STAT3: variants seen among roughly 807,000 people sequenced by gnomAD.
STAT3 encodes the protein signal transducer and activator of transcription 3, also known as DNA-binding protein APRF.
STAT3 carries 7 observed loss-of-function variants against 114.3 expected under a neutral mutation model. The ratio of observed to expected loss-of-function variants is 0.06; its 90% CI spans 0.03 to 0.11. STAT3 has a LOEUF of 0.11. Among genes scored for constraint, STAT3 ranks in the 10% least tolerant of loss-of-function variants. STAT3 has a pLI of 1.00. For synonymous variants in STAT3, 331 were observed against 354.5 expected (o/e 0.93, Z 0.74); for missense variants, 364 against 960.9 (o/e 0.38, Z 8.21).
chr17:42,382,321 A>G (rs1462982701), intron 1 of STAT3, among the ~76,000 whole-genome samples: 1 of 152,218 alleles, frequency 6.6e-6, no homozygotes, highest in Non-Finnish European at 1.5e-5. Flanking sequence ...ATCTTATTGA[A>G]TCGTCAACAG....
At chr17:42,382,823 T>C (rs895507005) in intron 1 of STAT3, among the ~76,000 whole-genome samples, 2 of 151,726 alleles carry the variant, frequency 1.3e-5, no homozygotes, top group African/African-American at 2.4e-5. Flanking sequence ...ATTTTTTGTA[T>C]TTTTAGTAGA....
chr17:42,348,171 C>A (rs189329445), intron 2 of STAT3, among the ~76,000 whole-genome samples: 42 of 152,260 alleles, frequency 2.8e-4, no homozygotes, highest in Non-Finnish European at 4.6e-4. Context: ...ACCATACAGG[C>A]GGTTTCAATG....
intron 1 of STAT3, among the ~76,000 whole-genome samples, chr17:42,360,188 G>A (rs1598475452): frequency 6.6e-6 from 1 of 151,738 alleles, no homozygotes; most frequent in Non-Finnish European, 1.5e-5. Context: ...ACCACTATAG[G>A]AGTCTTGTTT....
chr17:42,374,957 A>C (rs541831038), intron 1 of STAT3, among the ~76,000 whole-genome samples: 3 of 152,264 alleles, frequency 2.0e-5, no homozygotes, highest in Admixed American at 1.3e-4. Context: ...AATAACTGGA[A>C]GTTAACTTTA....
chr17:42,386,285 A>G (rs2085101259), intron 1 of STAT3, among the ~76,000 whole-genome samples: 1 of 151,708 alleles, frequency 6.6e-6, no homozygotes, highest in South Asian at 2.1e-4. Flanking sequence ...TGACTCAAAA[A>G]AAAAAAAAAA....
intron 11 of STAT3, among the ~76,000 whole-genome samples, chr17:42,330,441 T>A (rs2081958308): frequency 7.1e-6 from 1 of 140,184 alleles, no homozygotes; most frequent in Non-Finnish European, 1.5e-5. Flanking sequence ...TTTTCTTTTT[T>A]TTTTTTTTTG....
intron 1 of STAT3, among the ~76,000 whole-genome samples, chr17:42,351,019 T>A (rs973686961): frequency 1.1e-4 from 17 of 150,376 alleles, no homozygotes; most frequent in African/African-American, 4.2e-4. Context: ...TAATCCCAGC[T>A]ACTAGGGAGG....
rs1465359638 is a variant in STAT3, at chr17:42,337,799, C to T, written c.609G>A (p.Leu203=). ...QSVTRQKMQQ[L]EQMLTALDQM... ...GGTCCAGCGCAGTGAGCATCTGTTC[C>T]AGCTGCTGCATCTTCTGCCTGGTCA... is the stretch of plus-strand genomic sequence containing the variant. Residue 203 remains leucine (L), a synonymous_variant, in exon 7 of 24, where the codon CTG becomes CTA. Transcript: ENST00000264657. The surrounding 1 kb of genome is among the most constrained non-coding windows in gnomAD (Gnocchi z 4.0). 2 of 1,614,248 alleles carry T rather than the reference C, an allele frequency of 1.2e-6. No homozygotes were observed. The highest frequency in any genetic ancestry group is 1.7e-6 in the Non-Finnish European group (2 of 1,180,052).
chr17:42,387,630 G>T (rs1317577461), intron 1 of STAT3: 1 of 152,066 alleles, frequency 6.6e-6, no homozygotes, highest in Non-Finnish European at 1.5e-5. Context: ...GCGGGGACGT[G>T]GGGGGAGCAT....
chr17:42,314,529 A>G lies in STAT3; in HGVS notation c.*1216T>C, dbSNP rs1328053675. 2 of 232,748 alleles carry G rather than the reference A, an allele frequency of 8.6e-6. No homozygotes were observed. Among genetic ancestry groups the G allele is most frequent in the Non-Finnish European group, 1.7e-5 (2 of 117,536 alleles). The allele number at this position is 232,748 out of a possible 1,614,324, so 14.4% of individuals were successfully genotyped here. On this transcript the variant is annotated 3_prime_UTR_variant, in exon 24 of 24. Transcript: ENST00000264657. The stretch of plus-strand genomic sequence containing the variant: ...CAGAATCAGAAGTATCCCAGCCCTG[A>G]TAAGGCACCCACAGAAACAACCTAG...
chr17:42,316,717 T>C, intron 23 of STAT3, 72 bp downstream of exon 23: 1 of 1,602,120 alleles, frequency 6.2e-7, no homozygotes, highest in Non-Finnish European at 8.5e-7. Flanking sequence ...TCTCGGTGTG[T>C]ACATGTGAGA....
intron 1 of STAT3, chr17:42,387,859 C>G (rs1267943166): frequency 6.1e-6 from 1 of 164,248 alleles, no homozygotes; most frequent in African/African-American, 2.4e-5. Flanking sequence ...CAGCGGGAGC[C>G]GCCGACCGGG....
chr17:42,364,540 A>AAT (rs1260962488), intron 1 of STAT3, among the ~76,000 whole-genome samples: 1 of 152,208 alleles, frequency 6.6e-6, no homozygotes, highest in Non-Finnish European at 1.5e-5. Flanking sequence ...ATTAATATTC[A>AAT]TCTAAGAGAG....
chr17:42,353,116 A>G (rs8076051), intron 1 of STAT3, among the ~76,000 whole-genome samples: 53,663 of 151,964 alleles, frequency 0.35, 9,701 homozygotes, highest in South Asian at 0.46. Context: ...GGGAGGCCAA[A>G]GCATGTGGAT....
At chr17:42,375,355 G>A (rs2084390814) in intron 1 of STAT3, among the ~76,000 whole-genome samples, 1 of 152,128 alleles carries the variant, frequency 6.6e-6, no homozygotes, top group Non-Finnish European at 1.5e-5. Flanking sequence ...CAGAATATCT[G>A]CTATGCCTGT....
intron 1 of STAT3, among the ~76,000 whole-genome samples, chr17:42,367,305 C>A (rs1567749116): frequency 6.6e-6 from 1 of 151,612 alleles, no homozygotes; most frequent in Admixed American, 6.6e-5. Flanking sequence ...CGCCACTGCA[C>A]TTCAGCCTCG....
At chr17:42,339,116 C>A (rs548921423) in intron 5 of STAT3, among the ~76,000 whole-genome samples, 198 bp downstream of exon 5, 1 of 151,238 alleles carries the variant, frequency 6.6e-6, no homozygotes, top group African/African-American at 2.4e-5. Flanking sequence ...ATTAGCTGGG[C>A]GTGGTGGTGC....
rs560128732 is a variant in STAT3, at chr17:42,327,756, T to C, written c.1282-1557A>G. Among the ~76,000 whole-genome samples the C allele has an allele frequency of 6.6e-5, 10 of 152,298 alleles. No individual in the cohort carries two copies. The South Asian group carries it at 1.2e-3, about 19-fold the overall frequency. On this transcript the variant is annotated intron_variant, in intron 14 of 23. Coordinates refer to ENST00000264657, the MANE Select transcript of STAT3 (RefSeq NM_139276.3). Reference sequence around the variant, plus strand: ...AGAGTTGTCAATGAATTCTCAAAAATTGAATTCTAGTCTGGGCACAGCGGC... The same window carrying C: ...AGAGTTGTCAATGAATTCTCAAAAACTGAATTCTAGTCTGGGCACAGCGGC...
intron 1 of STAT3, among the ~76,000 whole-genome samples, chr17:42,384,378 T>C (rs8070763): frequency 0.35 from 53,614 of 151,850 alleles, 9,686 homozygotes; most frequent in South Asian, 0.46. Context: ...GATCCGCGCG[T>C]CTGGGCCTCC....
Sources: allele counts gnomAD v4.1 joint callset (sites outside exome capture counted in the v4.1 genomes callset), GRCh38; gene constraint gnomAD v4.1.1; non-coding constraint Gnocchi (gnomAD v3.1); transcripts MANE v1.5; gene names NCBI Gene and HGNC (gene_info 2026-07-23, HGNC 2026-07-21).